Variants in TRMT9B observed in about 807,000 individuals in gnomAD.
The protein encoded by TRMT9B is tRNA methyltransferase 9B (putative).
Under a neutral mutation model 11.5 loss-of-function variants are expected in TRMT9B, and 16 were observed. The observed-to-expected ratio is 1.39, with a 90% CI of 0.94 to 2.11. The LOEUF (loss-of-function observed/expected upper bound fraction) is 2.11, where lower values mean the gene tolerates loss of function less well. TRMT9B is among the 30% of genes most tolerant of loss of function. The probability of loss-of-function intolerance (pLI) is 0.00; values close to 1 mark genes in which losing one functional copy is unlikely to be tolerated. For synonymous variants in TRMT9B, 274 were observed against 192.4 expected (o/e 1.42, Z -3.51); for missense variants, 941 against 553.8 (o/e 1.70, Z -7.02).
At position 13,025,692 on chromosome 8, in the gene TRMT9B, A is replaced by G. The variant is rs917651691; in HGVS notation, c.*3648A>G. ...ATTTAAATTTTTTCCAATTGCCAGT[A>G]TAGTGATGATATGACACCAGCATAT... On this transcript the variant is annotated 3_prime_UTR_variant, in exon 5 of 5. Transcript: ENST00000524591. The G allele has an allele frequency of 2.4e-5, 4 of 167,088 alleles. No homozygotes were observed. Among genetic ancestry groups the G allele is most frequent in the African/African-American group, 7.2e-5 (3 of 41,476 alleles). The allele number at this position is 167,088 out of a possible 1,614,324, so 10.4% of individuals were successfully genotyped here. A position where few individuals can be genotyped will look rare whatever the true frequency, so the allele number is the denominator to read the frequency against.
chr8:12,961,443 T>C (rs542249212), intron 1 of TRMT9B, among the ~76,000 whole-genome samples: 1 of 152,126 alleles, frequency 6.6e-6, no homozygotes, highest in Admixed American at 6.5e-5. Flanking sequence ...GGCTCACGCC[T>C]GTAATCCCAG....
intron 1 of TRMT9B, among the ~76,000 whole-genome samples, chr8:12,983,023 G>C (rs1477694020): frequency 6.6e-6 from 1 of 152,188 alleles, no homozygotes; most frequent in African/African-American, 2.4e-5. Flanking sequence ...GCCCCACATG[G>C]GGCCAAGAGC....
intron 3 of TRMT9B, among the ~76,000 whole-genome samples, chr8:13,010,049 G>C (rs1251631105): frequency 6.6e-6 from 1 of 151,562 alleles, no homozygotes. Context: ...GAGGTAGGAG[G>C]ACAGATTGAG....
intron 2 of TRMT9B, among the ~76,000 whole-genome samples, chr8:12,992,037 C>G (rs1221693607): frequency 1.3e-5 from 2 of 152,192 alleles, no homozygotes. Flanking sequence ...TGACTCACAG[C>G]TGGCTCTTTA....
At chr8:12,970,655 G>T (rs1048417315) in intron 1 of TRMT9B, among the ~76,000 whole-genome samples, 11 of 152,150 alleles carry the variant, frequency 7.2e-5, no homozygotes, top group Non-Finnish European at 1.5e-4. Context: ...CTATTCCATG[G>T]ATTAAGGTCC....
intron 1 of TRMT9B, among the ~76,000 whole-genome samples, chr8:12,984,233 A>C (rs1805886324): frequency 6.6e-6 from 1 of 152,224 alleles, no homozygotes; most frequent in Non-Finnish European, 1.5e-5. Context: ...ATCTCTAAGA[A>C]ATGTCATTCT....
rs1020021524 is a variant in TRMT9B, at chr8:13,006,543, A to T, written c.154+187A>T. The T allele has an allele frequency of 1.3e-5, 18 of 1,432,674 alleles. No individual in the cohort carries two copies. In the African/African-American group the frequency reaches 2.0e-4, roughly 16 times the overall value. The allele number at this position is 1,432,674 out of a possible 1,614,324, so 88.7% of individuals were successfully genotyped here. A position where few individuals can be genotyped will look rare whatever the true frequency, so the allele number is the denominator to read the frequency against. On this transcript the variant is annotated intron_variant, in intron 3 of 4. Coordinates refer to ENST00000524591, the MANE Select transcript of TRMT9B (RefSeq NM_020844.3). ...CCTTTGCTTTTCACATTGATTTTTCATTTTTGTTCTAATAGGAATCCTGAA... is the reference window on the plus strand; with the variant it reads ...CCTTTGCTTTTCACATTGATTTTTCTTTTTTGTTCTAATAGGAATCCTGAA...
intron 1 of TRMT9B, among the ~76,000 whole-genome samples, chr8:12,982,867 C>A (rs1015727271): frequency 6.6e-6 from 1 of 152,174 alleles, no homozygotes; most frequent in South Asian, 2.1e-4. Context: ...ATTTCTTCAG[C>A]TTCTCCAAGG....
At chr8:12,993,197 A>T (rs536532131) in intron 2 of TRMT9B, among the ~76,000 whole-genome samples, 1 of 152,336 alleles carries the variant, frequency 6.6e-6, no homozygotes, top group Non-Finnish European at 1.5e-5. Flanking sequence ...TGACAGACTG[A>T]GGAGTGCAGG....
chr8:12,992,533 A>T (rs186773502), intron 2 of TRMT9B, among the ~76,000 whole-genome samples: 4 of 152,180 alleles, frequency 2.6e-5, no homozygotes, highest in Admixed American at 2.0e-4. Context: ...TTAGATGGTC[A>T]TGAAGCTCAG....
intron 1 of TRMT9B, chr8:12,962,039 C>G (rs1354587048): frequency 6.6e-6 from 1 of 152,284 alleles, no homozygotes. Flanking sequence ...AGCCCTGAAG[C>G]TGCAATGCCA....
intron 3 of TRMT9B, among the ~76,000 whole-genome samples, chr8:13,009,625 T>G (rs1290801853): frequency 6.6e-6 from 1 of 152,152 alleles, no homozygotes; most frequent in Non-Finnish European, 1.5e-5. Flanking sequence ...GTAATTTCCC[T>G]TTTTTGGTTA....
intron 2 of TRMT9B, among the ~76,000 whole-genome samples, chr8:13,004,031 A>G (rs998327640): frequency 1.3e-5 from 2 of 151,692 alleles, no homozygotes; most frequent in South Asian, 2.1e-4. Flanking sequence ...ACCGTATCGA[A>G]CTCAGTGCTG....
chr8:12,985,922 G>A lies in TRMT9B; in HGVS notation c.-199-4912G>A, dbSNP rs146653465. On this transcript the variant is annotated intron_variant, in intron 1 of 4. Transcript: ENST00000524591. ...GTCACCCAGGCTTGAGTGCTGTGGC[G>A]TGATCTTGGCTCACTGCAACCTCCG... 1.6e-4 allele frequency among the ~76,000 whole-genome samples: 25 copies of A among 151,984 alleles called. No individual in the cohort carries two copies. In the East Asian group the frequency reaches 3.1e-3, roughly 19 times the overall value.
intron 4 of TRMT9B, among the ~76,000 whole-genome samples, chr8:13,017,389 C>G (rs1812923415): frequency 6.6e-6 from 1 of 152,044 alleles, no homozygotes; most frequent in Non-Finnish European, 1.5e-5. Context: ...GAAAATACTG[C>G]TTTAGGATGC....
chr8:13,009,198 C>T (rs1454754874), intron 3 of TRMT9B, among the ~76,000 whole-genome samples: 2 of 152,024 alleles, frequency 1.3e-5, no homozygotes, highest in African/African-American at 4.8e-5. Context: ...GGATCTAAAA[C>T]AGTTGGACTC....
rs1411026778 is a variant in TRMT9B at position 12,967,562 on chromosome 8, T to G, written c.-200+21596T>G. Among the ~76,000 whole-genome samples the G allele has an allele frequency of 2.0e-5, 3 of 152,228 alleles. No individual in the cohort carries two copies. The East Asian group carries it at 5.8e-4, about 29-fold the overall frequency. On this transcript the variant is annotated intron_variant, in intron 1 of 4. Coordinates refer to ENST00000524591, the MANE Select transcript of TRMT9B (RefSeq NM_020844.3). ...CTCAGACCCTCTTCAATTAGATTGT[T>G]TTTAGCTTTTCTCCACCAATGAACT...
Position 12,990,829 on chromosome 8 carries a change from G to C in TRMT9B, c.-199-5G>C. ...GACATTTAGTATTTGTTTTCTTCCT[G>C]ATAGGGCCTGTGCTTCCTTCAGAGA... On this transcript the variant is annotated splice_region_variant and splice_polypyrimidine_tract_variant and intron_variant, in intron 1 of 4. Transcript: ENST00000524591. 1 of 1,288,352 alleles carries C rather than the reference G, an allele frequency of 7.8e-7. No individual in the cohort carries two copies. Among genetic ancestry groups the C allele is most frequent in the Non-Finnish European group, 1.0e-6 (1 of 987,786 alleles). 79.8% of individuals were successfully genotyped at this position (1,288,352 alleles called of 1,614,324 possible).
chr8:12,968,596 G>A (rs1014070874), intron 1 of TRMT9B, among the ~76,000 whole-genome samples: 2 of 152,164 alleles, frequency 1.3e-5, no homozygotes, highest in Non-Finnish European at 2.9e-5. Context: ...GGAGGCATGA[G>A]CTGTGAGCCG....
Sources: gnomAD v4.1 joint callset for allele counts (sites outside exome capture counted in the v4.1 genomes callset) on GRCh38, gnomAD v4.1.1 for gene constraint, MANE v1.5 for transcripts, NCBI Gene and HGNC (gene_info 2026-07-23, HGNC 2026-07-21) for gene names.